The following SLC4A4 variants were observed in gnomAD, a reference collection of about 807,000 sequenced individuals.
The protein encoded by SLC4A4 is electrogenic sodium bicarbonate cotransporter 1.
Under a neutral mutation model 111.5 loss-of-function variants are expected in SLC4A4, and 27 were observed. The ratio of observed to expected loss-of-function variants is 0.24; its 90% confidence interval spans 0.18 to 0.33. The LOEUF is 0.33. Ranked by LOEUF, SLC4A4 falls within the 10% of genes least tolerant of loss-of-function variation. The pLI is 1.00. For missense variants in SLC4A4, 909 were observed against 1,315.5 expected (o/e 0.69, Z 4.78); for synonymous variants, 443 against 463.4 (o/e 0.96, Z 0.57).
intron 5 of SLC4A4, among the ~76,000 whole-genome samples, chr4:71,351,847 TA>T (rs773312202): frequency 1.1e-4 from 16 of 152,218 alleles, no homozygotes; most frequent in Non-Finnish European, 2.1e-4. Flanking sequence ...TTTGTAAATC[TA>T]CCACTTTGTA....
chr4:71,559,834 T>C (rs1342261426), intron 22 of SLC4A4, among the ~76,000 whole-genome samples: 3 of 151,898 alleles, frequency 2.0e-5, no homozygotes, highest in African/African-American at 7.2e-5. Flanking sequence ...ACATTAAAAT[T>C]CTAATTGAAT....
intron 3 of SLC4A4, among the ~76,000 whole-genome samples, chr4:71,321,418 G>A (rs898406676): frequency 2.0e-5 from 3 of 151,926 alleles, no homozygotes; most frequent in Non-Finnish European, 4.4e-5. Flanking sequence ...TCAAGCAGTC[G>A]AACTCAGTTT....
chr4:71,290,413 G>A (rs1345987874), intron 3 of SLC4A4, among the ~76,000 whole-genome samples: 1 of 152,174 alleles, frequency 6.6e-6, no homozygotes, highest in Admixed American at 6.5e-5. Flanking sequence ...GAAACCATGC[G>A]AGGAGAGAAT....
chr4:71,316,627 A>G, intron 3 of SLC4A4, among the ~76,000 whole-genome samples: 1 of 152,092 alleles, frequency 6.6e-6, no homozygotes. Context: ...TGTGTGCCAT[A>G]GTAGTTTGCT....
chr4:71,432,903 T>C (rs35869050), intron 7 of SLC4A4, among the ~76,000 whole-genome samples: 28,353 of 151,950 alleles, frequency 0.19, 3,013 homozygotes, highest in South Asian at 0.42. Context: ...CAACAATCCA[T>C]TGTATAAAAT....
chr4:71,183,707 T>C (rs995878624), upstream of SLC4A4, among the ~76,000 whole-genome samples: 8 of 152,258 alleles, frequency 5.3e-5, no homozygotes, highest in African/African-American at 1.9e-4. Flanking sequence ...ACAACTTTAA[T>C]GATCATTCTG....
Position 71,352,909 on chromosome 4 carries a change from CA to C in SLC4A4, c.550+2839del, listed in dbSNP as rs1430295264. Among the ~76,000 whole-genome samples, 8 of 152,254 alleles carry C rather than the reference CA, an allele frequency of 5.3e-5. No individual in the cohort carries two copies. The South Asian group carries it at 1.7e-3, about 32-fold the overall frequency. On this transcript the variant is annotated intron_variant, in intron 5 of 25. Transcript: ENST00000264485. The stretch of plus-strand genomic sequence containing the variant: ...CCCTGCTGTGCTTGGAACTGATCAG[CA>C]AGGGTGATGAAAGTTAAAAGTTGAA...
At chr4:71,363,436 G>A (rs941570356) in intron 6 of SLC4A4, among the ~76,000 whole-genome samples, 13 of 151,958 alleles carry the variant, frequency 8.6e-5, no homozygotes, top group Admixed American at 2.6e-4. Flanking sequence ...TTCACTTTTT[G>A]CCTGCACTTT....
chr4:71,566,689 G>A (rs1030993441), intron 24 of SLC4A4, among the ~76,000 whole-genome samples: 1 of 151,644 alleles, frequency 6.6e-6, no homozygotes, highest in Non-Finnish European at 1.5e-5. Context: ...TAGGAATACT[G>A]AAGATGGAAG....
Position 71,570,224 on chromosome 4 carries a change from A to G in SLC4A4, c.*2473A>G, listed in dbSNP as rs1737838659. 1 of 116,876 alleles carries G rather than the reference A, an allele frequency of 8.6e-6. No homozygotes were observed. Among genetic ancestry groups the G allele is most frequent in the African/African-American group, 2.9e-5 (1 of 34,698 alleles). The allele number at this position is 116,876 out of a possible 1,614,324, so 7.2% of individuals were successfully genotyped here. The stretch of plus-strand genomic sequence containing the variant: ...TACCTTTCAAAGAACTCCTGAAGCA[A>G]CTTAACTCATCATTTCAGCCTCTGA... On this transcript the variant is annotated 3_prime_UTR_variant, in exon 26 of 26. Coordinates refer to ENST00000264485, the MANE Select transcript of SLC4A4 (RefSeq NM_001098484.3).
intron 2 of SLC4A4, among the ~76,000 whole-genome samples, chr4:71,141,820 G>C (rs965105): frequency 0.99 from 150,580 of 152,352 alleles, 74,433 homozygotes; most frequent in East Asian, 1. Flanking sequence ...GAGAACTAAA[G>C]TGAATTGAAT....
At chr4:71,220,148 T>A (rs1176511389) in intron 1 of SLC4A4, among the ~76,000 whole-genome samples, 2 of 152,198 alleles carry the variant, frequency 1.3e-5, no homozygotes, top group Non-Finnish European at 2.9e-5. Context: ...AAGAAATACT[T>A]TGTGAAAGGA....
At chr4:71,298,945 A>G (rs780990433) in intron 3 of SLC4A4, among the ~76,000 whole-genome samples, 2 of 152,174 alleles carry the variant, frequency 1.3e-5, no homozygotes, top group Non-Finnish European at 2.9e-5. Context: ...CTAGGGTTCA[A>G]CTTTAGGGAA....
At chr4:71,274,632 TGA>T (rs1221748237) in intron 3 of SLC4A4, among the ~76,000 whole-genome samples, 1 of 152,144 alleles carries the variant, frequency 6.6e-6, no homozygotes, top group African/African-American at 2.4e-5. Flanking sequence ...TTTTTCATCC[TGA>T]GAGAGATGAG....
At chr4:71,296,578 A>G (rs537108468) in intron 3 of SLC4A4, among the ~76,000 whole-genome samples, 1 of 152,214 alleles carries the variant, frequency 6.6e-6, no homozygotes, top group East Asian at 1.9e-4. Flanking sequence ...AGACTAAATT[A>G]TAATGTTTTA....
At chr4:71,566,901 T>G (rs934683263) in intron 24 of SLC4A4, 103 bp from the exon 25 acceptor site, 1 of 856,188 alleles carries the variant, frequency 1.2e-6, no homozygotes. Context: ...TTGTCTTTTT[T>G]ACTCTTACCA....
intron 15 of SLC4A4, among the ~76,000 whole-genome samples, chr4:71,487,748 C>T (rs1729550599): frequency 6.6e-6 from 1 of 151,556 alleles, no homozygotes; most frequent in African/African-American, 2.4e-5. Context: ...CTCAGGAGAC[C>T]CGGACATTTC....
At chr4:71,363,809 G>T (rs781222895) in intron 6 of SLC4A4, among the ~76,000 whole-genome samples, 1 of 152,040 alleles carries the variant, frequency 6.6e-6, no homozygotes, top group African/African-American at 2.4e-5. Flanking sequence ...CCCAAATAAC[G>T]ATCAAGCTCT....
At chr4:71,236,103 G>T (rs907529931) in intron 1 of SLC4A4, 10 of 1,007,654 alleles carry the variant, frequency 9.9e-6, no homozygotes, top group African/African-American at 1.7e-5. Context: ...GCGTGTGGGT[G>T]GGTGTGCATG....
Sources: gnomAD v4.1 joint callset for allele counts (sites outside exome capture counted in the v4.1 genomes callset) on GRCh38, gnomAD v4.1.1 for gene constraint, MANE v1.5 for transcripts, NCBI Gene and HGNC (gene_info 2026-07-23, HGNC 2026-07-21) for gene names.